Variants in PTPRC observed in about 807,000 individuals in gnomAD.
PTPRC encodes protein tyrosine phosphatase receptor type C, also known as receptor-type tyrosine-protein phosphatase C.
In PTPRC, 44 loss-of-function variants were observed where a neutral mutation model predicts 155.9. The ratio of observed to expected loss-of-function variants is 0.28; its 90% CI spans 0.22 to 0.36. The LOEUF (loss-of-function observed/expected upper bound fraction) is 0.36, where lower values mean the gene tolerates loss of function less well. PTPRC is among the 10% of genes least tolerant of loss of function. The probability of loss-of-function intolerance (pLI) is 1.00; values close to 1 mark genes in which losing one functional copy is unlikely to be tolerated. For synonymous variants in PTPRC, 525 were observed against 533.1 expected, an observed-to-expected ratio of 0.98 and a Z score of 0.21; for missense variants, 1,401 against 1,564.6, an observed-to-expected ratio of 0.90 and a Z score of 1.76.
At position 198,756,332 on chromosome 1, in the gene PTPRC, A is replaced by ATAT. The variant is rs1358207135; in HGVS notation, c.*153_*155dup. The ATAT allele has an allele frequency of 2.5e-5, 26 of 1,023,160 alleles. No homozygotes were observed. The highest frequency in any genetic ancestry group is 3.2e-5 in the African/African-American group (2 of 61,546). 63.4% of individuals were successfully genotyped at this position (1,023,160 alleles called of 1,614,324 possible). On this transcript the variant is annotated 3_prime_UTR_variant, in exon 33 of 33. Coordinates refer to ENST00000442510, the MANE Select transcript of PTPRC (RefSeq NM_002838.5). ...GGTTATATTTTACTACTGTGGAAAA[A>ATAT]TATTTAAGATAGTTTTGCCAGAACA...
intron 2 of PTPRC, among the ~76,000 whole-genome samples, chr1:198,682,559 C>T (rs1166727289): frequency 6.6e-6 from 1 of 152,166 alleles, no homozygotes; most frequent in Admixed American, 6.5e-5. Context: ...ACTCACTGTC[C>T]TAGCACTGTT....
In PTPRC at chr1:198,718,264, G is replaced by A. The variant is rs1446430507; in HGVS notation, c.1621G>A (p.Val541Ile). The A allele has an allele frequency of 3.7e-6, 6 of 1,613,760 alleles. No homozygotes were observed. The highest frequency in any genetic ancestry group is 1.3e-5 in the African/African-American group (1 of 74,886). ...GTCGCATAAGAATTGCGATTTCCGT[G>A]TAAAAGATCTTCAATATTCAACAGA... ...NESHKNCDFRVKDLQYSTDYT... is the reference protein window; with the variant it reads ...NESHKNCDFRIKDLQYSTDYT... The change falls in exon 14 of 33, where the codon GTA becomes ATA. Residue 541 changes from valine to isoleucine, a missense_variant. Transcript: ENST00000442510.
chr1:198,659,591 A>G (rs1663823125), intron 2 of PTPRC, among the ~76,000 whole-genome samples: 1 of 151,464 alleles, frequency 6.6e-6, no homozygotes, highest in Non-Finnish European at 1.5e-5. Context: ...CTGGAGTTCA[A>G]TGGCATGATC....
intron 2 of PTPRC, among the ~76,000 whole-genome samples, chr1:198,675,938 C>G (rs1664929806): frequency 6.6e-6 from 1 of 152,110 alleles, no homozygotes; most frequent in South Asian, 2.1e-4. Context: ...TCATTCCTAC[C>G]TTAGACTGTA....
At chr1:198,707,155 T>C (rs1653028875) in intron 9 of PTPRC, among the ~76,000 whole-genome samples, 1 of 152,206 alleles carries the variant, frequency 6.6e-6, no homozygotes, top group African/African-American at 2.4e-5. Flanking sequence ...TTTACATCCA[T>C]TAATCACCAC....
intron 2 of PTPRC, among the ~76,000 whole-genome samples, chr1:198,686,124 G>A (rs752083992): frequency 1.4e-4 from 21 of 151,988 alleles, no homozygotes; most frequent in African/African-American, 2.4e-4. Flanking sequence ...AACATTTTGA[G>A]TTGTAAAAGA....
chr1:198,669,739 C>A (rs1388513517), intron 2 of PTPRC, among the ~76,000 whole-genome samples: 2 of 152,092 alleles, frequency 1.3e-5, no homozygotes, highest in African/African-American at 4.8e-5. Context: ...CAAAGAGATA[C>A]AATCAGGAAA....
At chr1:198,704,774 C>G (rs1197962076) in intron 8 of PTPRC, among the ~76,000 whole-genome samples, 2 of 152,090 alleles carry the variant, frequency 1.3e-5, no homozygotes. Context: ...ACTTGCTGGG[C>G]GTCGAATTCA....
intron 26 of PTPRC, 152 bp from the exon 27 acceptor site, chr1:198,747,957 T>A: frequency 8.8e-7 from 1 of 1,131,050 alleles, no homozygotes; most frequent in South Asian, 1.6e-5. Flanking sequence ...AGAAAAAAAA[T>A]CAGAGGCAAA....
Position 198,748,198 on chromosome 1 carries a change from A to T in PTPRC, c.2937A>T (p.Pro979=). ...KSKNRNSNVI[P]YDYNRVPLKH... Reference sequence around the variant, plus strand: ...AAAACAGGAATTCTAATGTCATCCCATGTATGTAGTTTATTTTTTTATTTT... The same window carrying T: ...AAAACAGGAATTCTAATGTCATCCCTTGTATGTAGTTTATTTTTTTATTTT... Residue 979 remains proline (P), a splice_region_variant and synonymous_variant, in exon 27 of 33, where the codon CCA becomes CCT. Coordinates refer to ENST00000442510, the MANE Select transcript of PTPRC (RefSeq NM_002838.5). The T allele has an allele frequency of 6.2e-7, 1 of 1,602,676 alleles. No homozygotes were observed. The highest frequency in any genetic ancestry group is 8.5e-7 in the Non-Finnish European group (1 of 1,175,222).
Position 198,735,202 on chromosome 1 carries a change from C to T in PTPRC, c.2353C>T (p.Gln785Ter). Residue 785 changes from glutamine to a stop codon, truncating the protein, a stop_gained, in exon 23 of 33, where the codon CAG becomes TAG. Transcript: ENST00000442510. LOFTEE classifies it high-confidence loss of function. The part of the protein sequence containing the change: ...AFGDVVVKIN[Q>*]HKRCPDYIIQ... ...TGGAGATGTTGTTGTAAAGATCAAC[C>T]AGCACAAAAGATGTCCAGATTACAT... The T allele has an allele frequency of 6.2e-7, 1 of 1,604,264 alleles. No individual in the cohort carries two copies. Among genetic ancestry groups the T allele is most frequent in the African/African-American group, 1.3e-5 (1 of 74,700 alleles).
At chr1:198,715,178 A>C (rs1307369085) in intron 12 of PTPRC, among the ~76,000 whole-genome samples, 1 of 152,120 alleles carries the variant, frequency 6.6e-6, no homozygotes, top group Admixed American at 6.5e-5. Flanking sequence ...GCTGGAGTGC[A>C]GTCATGCGAT....
At chr1:198,674,533 A>G (rs1184657337) in intron 2 of PTPRC, among the ~76,000 whole-genome samples, 1 of 148,266 alleles carries the variant, frequency 6.7e-6, no homozygotes, top group African/African-American at 2.4e-5. Flanking sequence ...TATATTTTAT[A>G]TATATAACAT....
chr1:198,754,728 C>T (rs1655549570), intron 32 of PTPRC, among the ~76,000 whole-genome samples: 1 of 151,894 alleles, frequency 6.6e-6, no homozygotes, highest in South Asian at 2.1e-4. Context: ...TGTAACAAAC[C>T]ACCCCCAAAT....
intron 2 of PTPRC, among the ~76,000 whole-genome samples, chr1:198,669,910 T>A (rs1392722416): frequency 1.3e-5 from 2 of 152,146 alleles, no homozygotes; most frequent in African/African-American, 4.8e-5. Context: ...TGAAAGGAAA[T>A]GAATTTATAT....
intron 2 of PTPRC, chr1:198,680,177 C>A (rs771018317): frequency 5.5e-5 from 21 of 378,878 alleles, no homozygotes; most frequent in Non-Finnish European, 8.5e-5. Context: ...TTATTAAAGG[C>A]TTCACAAACT....
At chr1:198,673,731 T>G (rs1356736378) in intron 2 of PTPRC, among the ~76,000 whole-genome samples, 1 of 152,126 alleles carries the variant, frequency 6.6e-6, no homozygotes, top group Non-Finnish European at 1.5e-5. Flanking sequence ...ATAAAGAAGG[T>G]GTGAATAATG....
At chr1:198,672,076 C>T (rs77235602) in intron 2 of PTPRC, among the ~76,000 whole-genome samples, 14,736 of 152,092 alleles carry the variant, frequency 0.097, 991 homozygotes, top group African/African-American at 0.18. Context: ...TTCCTGTAAC[C>T]TAAAGTTACA....
In PTPRC at chr1:198,676,557, G is replaced by T. The variant is rs535632315; in HGVS notation, c.74-15790G>T. On this transcript the variant is annotated intron_variant, in intron 2 of 32. Coordinates refer to ENST00000442510, the MANE Select transcript of PTPRC (RefSeq NM_002838.5). ...GGCTGGCATTCAGAACCCAGGGGAG[G>T]GGGAGTAGTCATTCCCATTGCCTTG... 1.2e-4 allele frequency among the ~76,000 whole-genome samples: 18 copies of T among 152,220 alleles called. No individual in the cohort carries two copies. In the East Asian group the frequency reaches 2.9e-3, roughly 24 times the overall value.
Sources: allele counts gnomAD v4.1 joint callset (sites outside exome capture counted in the v4.1 genomes callset), GRCh38; gene constraint gnomAD v4.1.1; transcripts MANE v1.5; gene names NCBI Gene and HGNC (gene_info 2026-07-23, HGNC 2026-07-21).